The following GPR39 variants were observed in gnomAD, a reference collection of about 807,000 sequenced individuals.
GPR39 encodes zinc sensing receptor.
A neutral mutation model predicts 18.4 loss-of-function variants in GPR39; 23 were observed. The observed-to-expected ratio is 1.25, with a 90% CI of 0.90 to 1.77. The LOEUF (loss-of-function observed/expected upper bound fraction) is 1.77, where lower values mean the gene tolerates loss of function less well. GPR39 is among the 40% of genes most tolerant of loss of function. The probability of loss-of-function intolerance (pLI) is 0.00; values close to 1 mark genes in which losing one functional copy is unlikely to be tolerated. For synonymous variants in GPR39, 280 were observed against 257.9 expected, an observed-to-expected ratio of 1.09 and a Z score of -0.82; for missense variants, 647 against 602.4, an observed-to-expected ratio of 1.07 and a Z score of -0.78.
intron 1 of GPR39, among the ~76,000 whole-genome samples, chr2:132,629,125 A>G (rs991755717): frequency 6.6e-6 from 1 of 152,236 alleles, no homozygotes; most frequent in African/African-American, 2.4e-5. Flanking sequence ...ATTAAGAGTC[A>G]TTGGAAAAAA....
chr2:132,546,839 C>CAAAAAAAAAAAAAAAAAAAAA (rs60267293), intron 1 of GPR39, among the ~76,000 whole-genome samples: 15 of 33,974 alleles, frequency 4.4e-4, no homozygotes, highest in African/African-American at 5.4e-4. Flanking sequence ...AGCTCCACAG[C>CAAAAAAAAAAAAAAAAAAAAA]AAAAAAAAAA....
At chr2:132,548,719 T>C (rs1380609274) in intron 1 of GPR39, among the ~76,000 whole-genome samples, 1 of 152,262 alleles carries the variant, frequency 6.6e-6, no homozygotes, top group Non-Finnish European at 1.5e-5. Context: ...AAGCAATATC[T>C]GCTTTCTAGG....
At chr2:132,491,877 T>G (rs897572427) in intron 1 of GPR39, among the ~76,000 whole-genome samples, 9 of 152,006 alleles carry the variant, frequency 5.9e-5, no homozygotes, top group African/African-American at 2.2e-4. Flanking sequence ...TAATGATGCT[T>G]ACTCCATCCT....
Position 132,417,869 on chromosome 2 carries a change from C to G in GPR39, c.827C>G (p.Thr276Ser). The stretch of plus-strand genomic sequence containing the variant: ...AAGTCCGAGAGCGAAGAGAGCAGGA[C>G]CGCCAGGAGGCAGACCATCATCTTC... ...LRKSESEESR[T>S]ARRQTIIFLR... The change falls in exon 1 of 2, where the codon ACC (threonine) becomes AGC (serine). Residue 276 changes from threonine (T) to serine (S), a missense_variant. Physicochemically the swap from Thr to Ser is moderately conservative, Grantham distance 58. This residue lies in a region of GPR39 where 581 missense variants were observed against 506.8 expected (regional missense o/e 1.15). Transcript: ENST00000329321. 1 of 1,600,768 alleles carries G rather than the reference C, an allele frequency of 6.2e-7. No homozygotes were observed. The highest frequency in any genetic ancestry group is 1.7e-5 in the Admixed American group (1 of 59,812).
At chr2:132,469,943 G>T (rs1354845170) in intron 1 of GPR39, among the ~76,000 whole-genome samples, 1 of 152,214 alleles carries the variant, frequency 6.6e-6, no homozygotes, top group Non-Finnish European at 1.5e-5. Flanking sequence ...CACTCTCAGA[G>T]GAGTTGGCAA....
chr2:132,589,218 C>T (rs547101876), intron 1 of GPR39, among the ~76,000 whole-genome samples: 7 of 152,232 alleles, frequency 4.6e-5, no homozygotes, highest in South Asian at 2.1e-4. Flanking sequence ...CATGTCCCCC[C>T]CTCCCCATTG....
chr2:132,534,902 A>C (rs1679722618), intron 1 of GPR39, among the ~76,000 whole-genome samples: 2 of 152,148 alleles, frequency 1.3e-5, no homozygotes, highest in South Asian at 4.2e-4. Flanking sequence ...TGACGAGTTA[A>C]GGGGAGCAGC....
intron 1 of GPR39, among the ~76,000 whole-genome samples, chr2:132,442,394 G>T (rs112808697): frequency 1.1e-4 from 16 of 152,186 alleles, no homozygotes; most frequent in African/African-American, 3.6e-4. Flanking sequence ...ATGGCTGGGC[G>T]TGGGGGTGGA....
intron 1 of GPR39, among the ~76,000 whole-genome samples, chr2:132,467,970 C>T (rs72847384): frequency 3.9e-5 from 6 of 152,202 alleles, no homozygotes; most frequent in Non-Finnish European, 8.8e-5. Context: ...TAAATTCCAC[C>T]CTTTTCTCAT....
intron 1 of GPR39, among the ~76,000 whole-genome samples, chr2:132,589,354 A>G (rs1428857169): frequency 6.6e-6 from 1 of 152,248 alleles, no homozygotes; most frequent in Non-Finnish European, 1.5e-5. Flanking sequence ...CACTGGGGAC[A>G]GGATACATAA....
intron 1 of GPR39, among the ~76,000 whole-genome samples, chr2:132,459,146 T>C (rs1261655389): frequency 6.6e-6 from 1 of 152,198 alleles, no homozygotes; most frequent in Non-Finnish European, 1.5e-5. Context: ...CTGCTATTTT[T>C]GGTGTCCTCT....
At chr2:132,516,503 C>T (rs1679337209) in intron 1 of GPR39, among the ~76,000 whole-genome samples, 1 of 152,122 alleles carries the variant, frequency 6.6e-6, no homozygotes. Flanking sequence ...GCTGACATTT[C>T]CTATTCTTAA....
intron 1 of GPR39, among the ~76,000 whole-genome samples, chr2:132,525,198 T>C (rs1679487089): frequency 2.0e-5 from 3 of 152,202 alleles, no homozygotes; most frequent in African/African-American, 7.2e-5. Flanking sequence ...CACCTTGAGC[T>C]GGGATAACTT....
chr2:132,539,598 C>G (rs1679826460), intron 1 of GPR39, among the ~76,000 whole-genome samples: 1 of 152,028 alleles, frequency 6.6e-6, no homozygotes, highest in Admixed American at 6.5e-5. Context: ...ACCTCCTATC[C>G]CAAGTAGTAG....
At chr2:132,589,430 G>A (rs1261763196) in intron 1 of GPR39, among the ~76,000 whole-genome samples, 3 of 152,220 alleles carry the variant, frequency 2.0e-5, no homozygotes, top group African/African-American at 7.2e-5. Context: ...AGGCAGAGAT[G>A]TAATTTCAAT....
chr2:132,575,009 A>G (rs1038948696), intron 1 of GPR39, among the ~76,000 whole-genome samples: 1 of 152,172 alleles, frequency 6.6e-6, no homozygotes, highest in South Asian at 2.1e-4. Context: ...TTTCTTCTGC[A>G]TATTCTGTAT....
intron 1 of GPR39, among the ~76,000 whole-genome samples, chr2:132,607,474 C>A (rs1278671821): frequency 6.6e-6 from 1 of 152,102 alleles, no homozygotes; most frequent in African/African-American, 2.4e-5. Context: ...TTTTTAATAG[C>A]CTTGGGGGCC....
At position 132,598,467 on chromosome 2, in the gene GPR39, T is replaced by G. The variant is rs201108841; in HGVS notation, c.857-46634T>G. ...TTTTTTTTTTTAAGCAATGGGGTTTTTTGTTGTTGTTGTTGTTTAAGGCTC... is the reference window on the plus strand; with the variant it reads ...TTTTTTTTTTTAAGCAATGGGGTTTGTTGTTGTTGTTGTTGTTTAAGGCTC... On this transcript the variant is annotated intron_variant, in intron 1 of 1. Transcript: ENST00000329321. Among the ~76,000 whole-genome samples the G allele has an allele frequency of 7.7e-4, 106 of 137,254 alleles. 1 individual carries two copies. Among genetic ancestry groups the G allele is most frequent in the African/African-American group, 2.9e-3 (103 of 35,514 alleles). 90.0% of individuals were successfully genotyped at this position (137,254 alleles called of 152,430 possible).
intron 1 of GPR39, among the ~76,000 whole-genome samples, chr2:132,504,293 A>G (rs1679098149): frequency 6.6e-6 from 1 of 152,190 alleles, no homozygotes; most frequent in Non-Finnish European, 1.5e-5. Context: ...TTGCCATGAT[A>G]TCTAAATATA....
Sources: allele counts gnomAD v4.1 joint callset (sites outside exome capture counted in the v4.1 genomes callset), GRCh38; gene constraint gnomAD v4.1.1; regional missense constraint gnomAD v4.1.1; transcripts MANE v1.5; gene names NCBI Gene and HGNC (gene_info 2026-07-23, HGNC 2026-07-21).